Variants in GRM7 observed in about 807,000 individuals in gnomAD.
GRM7 encodes metabotropic glutamate receptor 7.
In GRM7, 35 loss-of-function variants were observed where a neutral mutation model predicts 84.5. The ratio of observed to expected loss-of-function variants is 0.41; its 90% CI spans 0.32 to 0.55. GRM7 has a LOEUF of 0.55. Among genes scored for constraint, GRM7 ranks in the 20% least tolerant of loss-of-function variants. The probability of loss-of-function intolerance (pLI) is 0.19; values close to 1 mark genes in which losing one functional copy is unlikely to be tolerated. For missense variants in GRM7, 1,003 were observed against 1,194.6 expected, an observed-to-expected ratio of 0.84 and a Z score of 2.36; for synonymous variants, 487 against 455.1, an observed-to-expected ratio of 1.07 and a Z score of -0.89.
At chr3:7,453,281 C>T (rs1697855596) in intron 6 of GRM7, among the ~76,000 whole-genome samples, 1 of 152,018 alleles carries the variant, frequency 6.6e-6, no homozygotes, top group Non-Finnish European at 1.5e-5. Context: ...AGCTGACTGT[C>T]CTCTACTTCA....
chr3:7,263,593 G>A (rs1321511415), intron 2 of GRM7, among the ~76,000 whole-genome samples: 4 of 152,166 alleles, frequency 2.6e-5, no homozygotes, highest in Non-Finnish European at 4.4e-5. Context: ...CATGAGGGTG[G>A]GGCGCTGGTG....
At chr3:7,173,780 T>C (rs989666695) in intron 2 of GRM7, among the ~76,000 whole-genome samples, 2 of 152,220 alleles carry the variant, frequency 1.3e-5, no homozygotes, top group African/African-American at 2.4e-5. Flanking sequence ...CACTACTTCA[T>C]AGAAGCCTAA....
chr3:7,547,427 C>T (rs1384128298), intron 7 of GRM7, among the ~76,000 whole-genome samples: 1 of 152,006 alleles, frequency 6.6e-6, no homozygotes, highest in Admixed American at 6.5e-5. Context: ...AGGATGGTCT[C>T]GATCTCCTGA....
In GRM7 at chr3:7,415,143, A is replaced by G; in HGVS notation, c.1154A>G (p.Asp385Gly). 2 of 1,613,180 alleles carry G rather than the reference A, an allele frequency of 1.2e-6. No individual in the cohort carries two copies. The highest frequency in any genetic ancestry group is 1.7e-6 in the Non-Finnish European group (2 of 1,179,226). The change falls in exon 5 of 10, where the codon GAC becomes GGC. Residue 385 changes from aspartate (D) to glycine (G), a missense_variant. Around this residue, in one of 2 missense-constraint regions of GRM7, gnomAD observed 910 missense variants for 1,126.0 expected, o/e 0.81. Transcript: ENST00000357716. ...ACGATTAGTGGGTCAAAAAAAGAAG[A>G]CACAGATCGCAAATGCACAGGTAAT... ...KLTISGSKKEDTDRKCTGQER... is the reference protein window; with the variant it reads ...KLTISGSKKEGTDRKCTGQER...
At chr3:7,095,314 T>C (rs1698819283) in intron 1 of GRM7, among the ~76,000 whole-genome samples, 1 of 152,174 alleles carries the variant, frequency 6.6e-6, no homozygotes, top group African/African-American at 2.4e-5. Flanking sequence ...CTTGACTACA[T>C]CTGTAAACTC....
intron 4 of GRM7, among the ~76,000 whole-genome samples, chr3:7,329,187 T>C (rs1365299273): frequency 6.6e-6 from 1 of 152,162 alleles, no homozygotes; most frequent in African/African-American, 2.4e-5. Flanking sequence ...AACATTCCGA[T>C]GACAAATTTT....
intron 7 of GRM7, among the ~76,000 whole-genome samples, chr3:7,466,588 G>A (rs1376404887): frequency 6.6e-6 from 1 of 152,174 alleles, no homozygotes; most frequent in Non-Finnish European, 1.5e-5. Context: ...GTTCAGAAAT[G>A]TTAAAAATGT....
intron 7 of GRM7, among the ~76,000 whole-genome samples, chr3:7,566,742 A>C (rs1176232905): frequency 6.8e-6 from 1 of 147,584 alleles, no homozygotes; most frequent in African/African-American, 2.5e-5. Context: ...AAAGGCATAG[A>C]GGTTGTTAAA....
chr3:7,270,699 G>A (rs561759464), intron 2 of GRM7, among the ~76,000 whole-genome samples: 4 of 152,082 alleles, frequency 2.6e-5, no homozygotes, highest in African/African-American at 9.7e-5. Context: ...CACTTGCAGA[G>A]CCCATTAACA....
chr3:7,396,165 C>A (rs115033795), intron 4 of GRM7, among the ~76,000 whole-genome samples: 3 of 152,170 alleles, frequency 2.0e-5, no homozygotes, highest in African/African-American at 7.2e-5. Context: ...GACCCAAGTA[C>A]ACCTGGGAGA....
chr3:7,104,260 T>C (rs1699226210), intron 1 of GRM7, among the ~76,000 whole-genome samples: 2 of 151,662 alleles, frequency 1.3e-5, no homozygotes, highest in Admixed American at 6.6e-5. Context: ...TGCTCTCTTT[T>C]ATGTGAGGAA....
At chr3:7,036,591 C>G (rs1696394619) in intron 1 of GRM7, among the ~76,000 whole-genome samples, 1 of 152,116 alleles carries the variant, frequency 6.6e-6, no homozygotes, top group African/African-American at 2.4e-5. Flanking sequence ...TGAAGAGCTA[C>G]TTTAACTGTG....
chr3:7,499,801 G>A (rs1343082441), intron 7 of GRM7, among the ~76,000 whole-genome samples: 1 of 149,032 alleles, frequency 6.7e-6, no homozygotes, highest in Non-Finnish European at 1.5e-5. Context: ...TTGAGATGGA[G>A]TCTTGCTCTG....
chr3:7,616,143 T>G lies in GRM7; in HGVS notation c.2451+36786T>G, dbSNP rs1470104012. 2.6e-5 allele frequency among the ~76,000 whole-genome samples: 4 copies of G among 152,092 alleles called. No homozygotes were observed. In the South Asian group the frequency reaches 8.3e-4, roughly 32 times the overall value. On this transcript the variant is annotated intron_variant, in intron 8 of 9. Transcript: ENST00000357716. ...GAAATTATTTTATTTGAAGGTCAAA[T>G]GAAAAAACAAGTTTCCTTTCCAAGT... is the stretch of plus-strand genomic sequence containing the variant.
In GRM7 at chr3:7,185,062, GT is replaced by G. The variant is rs538817400; in HGVS notation, c.736+38397del. Among the ~76,000 whole-genome samples the G allele has an allele frequency of 7.0e-4, 106 of 152,240 alleles. 1 individual carries two copies. The South Asian group carries it at 0.012, about 18-fold the overall frequency. ...GCATTTTATAGGTAAGAAAACAGAG[GT>G]TTGGAAAGTCAAAATGGCTTGCTCC... On this transcript the variant is annotated intron_variant, in intron 2 of 9. Transcript: ENST00000357716.
chr3:7,011,302 G>T (rs766081635), intron 1 of GRM7, among the ~76,000 whole-genome samples: 2 of 152,190 alleles, frequency 1.3e-5, no homozygotes, highest in African/African-American at 4.8e-5. Context: ...TTTATATGTA[G>T]AAGAGCTCTC....
intron 9 of GRM7, among the ~76,000 whole-genome samples, chr3:7,696,225 A>C (rs1216555528): frequency 6.6e-6 from 1 of 152,212 alleles, no homozygotes; most frequent in Non-Finnish European, 1.5e-5. Flanking sequence ...AAAGCCATTT[A>C]CATTGTAGAG....
intron 2 of GRM7, among the ~76,000 whole-genome samples, chr3:7,177,925 T>A (rs915905900): frequency 6.6e-6 from 1 of 152,236 alleles, no homozygotes; most frequent in African/African-American, 2.4e-5. Flanking sequence ...TTTTCTGAAA[T>A]AACTCCTCTA....
At chr3:7,417,008 C>A (rs1696187813) in intron 5 of GRM7, among the ~76,000 whole-genome samples, 1 of 152,016 alleles carries the variant, frequency 6.6e-6, no homozygotes, top group Non-Finnish European at 1.5e-5. Flanking sequence ...CACTCTGAGG[C>A]CACACCTCTG....
Sources: gnomAD v4.1 joint callset for allele counts (sites outside exome capture counted in the v4.1 genomes callset) on GRCh38, gnomAD v4.1.1 for gene constraint, gnomAD v4.1.1 regional missense constraint, MANE v1.5 for transcripts, NCBI Gene and HGNC (gene_info 2026-07-23, HGNC 2026-07-21) for gene names.